Variants in ADARB2 observed in about 807,000 individuals in gnomAD.
The protein encoded by ADARB2 is adenosine deaminase RNA specific B2 (inactive), also known as inactive double-stranded RNA-specific editase B2.
ADARB2 carries 25 observed loss-of-function variants against 62.2 expected under a neutral mutation model. The ratio of observed to expected loss-of-function variants is 0.40; its 90% CI spans 0.29 to 0.56. The LOEUF (loss-of-function observed/expected upper bound fraction) is 0.56. Among genes scored for constraint, ADARB2 ranks in the 20% least tolerant of loss-of-function variants. The pLI is 0.43. For missense variants in ADARB2, 1,071 were observed against 1,077.4 expected, an observed-to-expected ratio of 0.99 and a Z score of 0.08; for synonymous variants, 572 against 500.8, an observed-to-expected ratio of 1.14 and a Z score of -1.90.
intron 3 of ADARB2, among the ~76,000 whole-genome samples, chr10:1,353,963 A>G (rs574929121): frequency 1.5e-3 from 223 of 152,260 alleles, no homozygotes; most frequent in Middle Eastern, 3.4e-3. Flanking sequence ...GGTTGCTCGT[A>G]GACACTCGAA....
intron 1 of ADARB2, among the ~76,000 whole-genome samples, chr10:1,544,121 A>T (rs1832483220): frequency 6.6e-6 from 1 of 152,116 alleles, no homozygotes; most frequent in African/African-American, 2.4e-5. Context: ...CGTCCCAGGC[A>T]GACTCTCTGG....
chr10:1,545,683 G>A (rs1225522551), intron 1 of ADARB2, among the ~76,000 whole-genome samples: 1 of 152,186 alleles, frequency 6.6e-6, no homozygotes, highest in African/African-American at 2.4e-5. Context: ...AGCCTTGGCA[G>A]GGATGGCAAA....
chr10:1,290,437 T>C (rs1225340193), intron 3 of ADARB2: 1 of 152,234 alleles, frequency 6.6e-6, no homozygotes, highest in Non-Finnish European at 1.5e-5. Flanking sequence ...ACACCCCCAC[T>C]GCACGGATGA....
chr10:1,698,351 GC>G (rs1452160874), intron 1 of ADARB2, among the ~76,000 whole-genome samples: 1 of 152,228 alleles, frequency 6.6e-6, no homozygotes, highest in Non-Finnish European at 1.5e-5. Context: ...ACCTTTGAGA[GC>G]CACCTTCAAC....
At chr10:1,194,585 A>G (rs1836884627) in intron 8 of ADARB2, among the ~76,000 whole-genome samples, 1 of 152,130 alleles carries the variant, frequency 6.6e-6, no homozygotes, top group Admixed American at 6.5e-5. Context: ...TCCTCCATAT[A>G]TCATTTCTGC....
chr10:1,724,752 C>T (rs1391517745), intron 1 of ADARB2, among the ~76,000 whole-genome samples: 1 of 152,208 alleles, frequency 6.6e-6, no homozygotes. Context: ...CTAGCCACGT[C>T]TACCCTTTGT....
At chr10:1,311,955 C>G (rs1205459391) in intron 3 of ADARB2, among the ~76,000 whole-genome samples, 2 of 152,188 alleles carry the variant, frequency 1.3e-5, no homozygotes, top group African/African-American at 4.8e-5. Context: ...AGTGAGCAGC[C>G]TAATCCTCCT....
At chr10:1,433,106 G>C (rs890737530) in intron 1 of ADARB2, among the ~76,000 whole-genome samples, 4 of 152,212 alleles carry the variant, frequency 2.6e-5, no homozygotes, top group Admixed American at 2.0e-4. Flanking sequence ...TAAGCTTTGG[G>C]AATGGAATTA....
At chr10:1,481,828 G>A (rs1271258234) in intron 1 of ADARB2, among the ~76,000 whole-genome samples, 1 of 144,266 alleles carries the variant, frequency 6.9e-6, no homozygotes, top group South Asian at 2.2e-4. Flanking sequence ...CTGCACTCCA[G>A]CCTGGACGAC....
At chr10:1,233,878 C>A (rs1244393219) in intron 5 of ADARB2, 33 bp from the exon 6 acceptor site, 1 of 1,596,062 alleles carries the variant, frequency 6.3e-7, no homozygotes, top group Non-Finnish European at 8.6e-7. Flanking sequence ...GGTCATTTAT[C>A]ACAAACCAAA....
At chr10:1,585,685 G>A (rs994724811) in intron 1 of ADARB2, among the ~76,000 whole-genome samples, 1 of 152,202 alleles carries the variant, frequency 6.6e-6, no homozygotes, top group Admixed American at 6.5e-5. Flanking sequence ...ACCAACTGAT[G>A]TACATTTTAC....
chr10:1,234,429 T>C (rs1187894682), intron 5 of ADARB2, among the ~76,000 whole-genome samples: 1 of 152,156 alleles, frequency 6.6e-6, no homozygotes, highest in Non-Finnish European at 1.5e-5. Flanking sequence ...GACATTTACC[T>C]GTCAGGGTTA....
At chr10:1,411,239 A>T (rs1232178033) in intron 1 of ADARB2, among the ~76,000 whole-genome samples, 1 of 152,172 alleles carries the variant, frequency 6.6e-6, no homozygotes, top group Non-Finnish European at 1.5e-5. Context: ...TGTCTGCTCC[A>T]GGCTGCATGG....
chr10:1,357,480 G>GT (rs1564267409), intron 3 of ADARB2, among the ~76,000 whole-genome samples: 8 of 129,490 alleles, frequency 6.2e-5, no homozygotes, highest in Non-Finnish European at 1.4e-4. Flanking sequence ...AGGGATGCAT[G>GT]GTTTTTTTAG....
chr10:1,356,811 A>G (rs1832200381), intron 3 of ADARB2, among the ~76,000 whole-genome samples: 1 of 152,184 alleles, frequency 6.6e-6, no homozygotes, highest in Admixed American at 6.5e-5. Flanking sequence ...ACTTCAAACA[A>G]GCCAATTGTG....
chr10:1,578,636 C>T (rs1387025955), intron 1 of ADARB2, among the ~76,000 whole-genome samples: 1 of 148,472 alleles, frequency 6.7e-6, no homozygotes, highest in Non-Finnish European at 1.5e-5. Flanking sequence ...TCTCCATGAG[C>T]TCACACTGTG....
chr10:1,429,142 G>T (rs763942864), intron 1 of ADARB2, among the ~76,000 whole-genome samples: 1 of 152,180 alleles, frequency 6.6e-6, no homozygotes. Context: ...GAGGGAAGCC[G>T]GGTATGAGGT....
chr10:1,690,588 G>C (rs1834656064), intron 1 of ADARB2, among the ~76,000 whole-genome samples: 1 of 152,122 alleles, frequency 6.6e-6, no homozygotes, highest in Non-Finnish European at 1.5e-5. Context: ...AAAATAACTG[G>C]AAGGAGAGAA....
chr10:1,177,805 T>A lies in ADARB2; in HGVS notation c.*5388A>T, dbSNP rs947567246. The A allele has an allele frequency of 6.6e-6, 1 of 152,226 alleles. No individual in the cohort carries two copies. The highest frequency in any genetic ancestry group is 1.5e-5 in the Non-Finnish European group (1 of 68,066). The allele number at this position is 152,226 out of a possible 1,614,324, so 9.4% of individuals were successfully genotyped here. A position where few individuals can be genotyped will look rare whatever the true frequency, so the allele number is the denominator to read the frequency against. ...CAGGAGTGATATTGTTTGGTGTGAA[T>A]CTCTAGAGGCCAGCGCGGTGGCTCA... On this transcript the variant is annotated 3_prime_UTR_variant, in exon 10 of 10. Transcript: ENST00000381312.
Sources: allele counts gnomAD v4.1 joint callset (sites outside exome capture counted in the v4.1 genomes callset), GRCh38; gene constraint gnomAD v4.1.1; transcripts MANE v1.5; gene names NCBI Gene and HGNC (gene_info 2026-07-23, HGNC 2026-07-21).